Variants in PKNOX2 observed in about 807,000 individuals in gnomAD.
PKNOX2 encodes homeobox protein PKNOX2.
PKNOX2 carries 14 observed loss-of-function variants against 53.1 expected under a neutral mutation model. The observed-to-expected ratio is 0.26, with a 90% CI of 0.17 to 0.41. The LOEUF is 0.41. PKNOX2 is among the 10% of genes least tolerant of loss of function. The probability of loss-of-function intolerance (pLI) is 1.00; values close to 1 mark genes in which losing one functional copy is unlikely to be tolerated. For missense variants in PKNOX2, 496 were observed against 602.8 expected (o/e 0.82, Z 1.85); for synonymous variants, 257 against 242.8 (o/e 1.06, Z -0.54).
chr11:125,415,498 C>A (rs548085039), intron 10 of PKNOX2, among the ~76,000 whole-genome samples: 4 of 152,196 alleles, frequency 2.6e-5, no homozygotes, highest in African/African-American at 9.6e-5. Flanking sequence ...ATCTACCCAC[C>A]TTGGCCTGCC....
chr11:125,368,037 C>A, intron 5 of PKNOX2, 52 bp downstream of exon 5: 1 of 1,577,142 alleles, frequency 6.3e-7, no homozygotes, highest in Non-Finnish European at 8.6e-7. Context: ...TCAGGCCCAG[C>A]TCAGCTGTGA....
At chr11:125,277,177 G>A (rs1474360842) in intron 2 of PKNOX2, among the ~76,000 whole-genome samples, 1 of 152,178 alleles carries the variant, frequency 6.6e-6, no homozygotes. Context: ...AGTTAGTGGT[G>A]TGCCAAAATC....
At chr11:125,355,858 A>C (rs1951579214) in intron 4 of PKNOX2, among the ~76,000 whole-genome samples, 1 of 152,104 alleles carries the variant, frequency 6.6e-6, no homozygotes, top group Non-Finnish European at 1.5e-5. Flanking sequence ...GTACTCTCAG[A>C]AATGTCACTC....
At chr11:125,249,277 C>T (rs1943819331) in intron 2 of PKNOX2, among the ~76,000 whole-genome samples, 2 of 151,886 alleles carry the variant, frequency 1.3e-5, no homozygotes, top group Non-Finnish European at 2.9e-5. Flanking sequence ...ATTGGAGAAT[C>T]TTTTAAAGTT....
intron 2 of PKNOX2, among the ~76,000 whole-genome samples, chr11:125,324,390 C>T (rs1263903960): frequency 1.3e-5 from 2 of 152,140 alleles, no homozygotes; most frequent in Admixed American, 1.3e-4. Context: ...TTATACACTC[C>T]ACATGTCCTC....
At chr11:125,210,956 G>T (rs1034695566) in intron 1 of PKNOX2, among the ~76,000 whole-genome samples, 1 of 152,156 alleles carries the variant, frequency 6.6e-6, no homozygotes, top group Admixed American at 6.5e-5. Flanking sequence ...CTGGGCCTCA[G>T]TGTCCTTATC....
chr11:125,277,019 C>T (rs1946213290), intron 2 of PKNOX2, among the ~76,000 whole-genome samples: 1 of 152,028 alleles, frequency 6.6e-6, no homozygotes, highest in African/African-American at 2.4e-5. Flanking sequence ...TGAACACATG[C>T]AGGGAGTGAT....
Position 125,431,386 on chromosome 11 carries a change from G to C in PKNOX2, c.1413G>C (p.Leu471=). 6.2e-7 allele frequency: 1 copy of C among 1,611,776 alleles called. No homozygotes were observed. Among genetic ancestry groups the C allele is most frequent in the Non-Finnish European group, 8.5e-7 (1 of 1,179,186 alleles). Residue 471 remains leucine, a synonymous_variant, in exon 13 of 13, where the codon CTG becomes CTC. Transcript: ENST00000298282. The part of the protein sequence containing the change: ...SDLGLEHSDS[L]E ...TGGGCTTGGAACACAGTGACTCCCT[G>C]GAGTAGTCGGGCAGCCCAGATGGCA...
At chr11:125,249,616 T>A (rs149468285) in intron 2 of PKNOX2, among the ~76,000 whole-genome samples, 280 of 152,336 alleles carry the variant, frequency 1.8e-3, no homozygotes, top group African/African-American at 6.5e-3. Flanking sequence ...GTAGGTTATA[T>A]GCAAATACAA....
intron 2 of PKNOX2, among the ~76,000 whole-genome samples, chr11:125,287,006 C>T (rs1401921263): frequency 6.6e-6 from 1 of 152,216 alleles, no homozygotes; most frequent in Non-Finnish European, 1.5e-5. Flanking sequence ...ACTTGATCCT[C>T]CAGCTTCTGA....
intron 2 of PKNOX2, chr11:125,287,641 C>G (rs566103215): frequency 1.3e-5 from 2 of 152,124 alleles, no homozygotes; most frequent in Non-Finnish European, 2.9e-5. Flanking sequence ...GGCTAGTTCC[C>G]GGCTGAGTGG....
chr11:125,183,041 C>T (rs753792294), intron 1 of PKNOX2, among the ~76,000 whole-genome samples: 10 of 152,250 alleles, frequency 6.6e-5, no homozygotes, highest in South Asian at 2.1e-4. Context: ...AGGACCTTGA[C>T]GCCCAGGGAG....
intron 2 of PKNOX2, among the ~76,000 whole-genome samples, chr11:125,269,982 C>T (rs1169909038): frequency 6.6e-6 from 1 of 152,176 alleles, no homozygotes; most frequent in Non-Finnish European, 1.5e-5. Context: ...GGAGATACAA[C>T]AGTGACTAAG....
chr11:125,299,274 C>T (rs1947871910), intron 2 of PKNOX2, among the ~76,000 whole-genome samples: 1 of 152,198 alleles, frequency 6.6e-6, no homozygotes, highest in Non-Finnish European at 1.5e-5. Flanking sequence ...TCCCGCCCAG[C>T]CCCACCTCCG....
chr11:125,317,203 C>A (rs978046937), intron 2 of PKNOX2, among the ~76,000 whole-genome samples: 4 of 152,196 alleles, frequency 2.6e-5, no homozygotes, highest in African/African-American at 9.6e-5. Flanking sequence ...TTCCACCACA[C>A]CTGCAGCTAT....
chr11:125,188,905 C>A (rs1043292446), intron 1 of PKNOX2, among the ~76,000 whole-genome samples: 2 of 151,714 alleles, frequency 1.3e-5, no homozygotes, highest in Non-Finnish European at 2.9e-5. Context: ...ACATAGTCCC[C>A]GTGAAAGGAC....
At chr11:125,297,273 T>C (rs1947720287) in intron 2 of PKNOX2, among the ~76,000 whole-genome samples, 1 of 152,152 alleles carries the variant, frequency 6.6e-6, no homozygotes, top group East Asian at 1.9e-4. Flanking sequence ...AGGGAGTGAG[T>C]AGATCATTTG....
intron 2 of PKNOX2, among the ~76,000 whole-genome samples, chr11:125,316,117 G>A (rs1341648965): frequency 1.3e-5 from 2 of 152,156 alleles, no homozygotes; most frequent in Non-Finnish European, 2.9e-5. Flanking sequence ...TGGAGCCCAC[G>A]ATGGTGTGCG....
At chr11:125,224,066 C>T (rs1000604611) in intron 1 of PKNOX2, among the ~76,000 whole-genome samples, 4 of 152,248 alleles carry the variant, frequency 2.6e-5, no homozygotes, top group African/African-American at 9.6e-5. Context: ...CCCTTTGCCC[C>T]TGGACGCTGC....
Sources: allele counts gnomAD v4.1 joint callset (sites outside exome capture counted in the v4.1 genomes callset), GRCh38; gene constraint gnomAD v4.1.1; transcripts MANE v1.5; gene names NCBI Gene and HGNC (gene_info 2026-07-23, HGNC 2026-07-21).